The following CCDC33 variants were observed in gnomAD, a reference collection of about 807,000 sequenced individuals.
CCDC33 encodes the protein coiled-coil domain containing 33, also known as coiled-coil domain-containing protein 33.
A neutral mutation model predicts 91.9 loss-of-function variants in CCDC33; 94 were observed. The observed-to-expected ratio is 1.02, with a 90% CI of 0.87 to 1.21. The LOEUF (loss-of-function observed/expected upper bound fraction) is 1.21, where lower values mean the gene tolerates loss of function less well. Among genes scored for constraint, CCDC33 ranks in the 50% most tolerant of loss-of-function variants. The pLI is 0.00. For synonymous variants in CCDC33, 396 were observed against 374.5 expected (o/e 1.06, Z -0.66); for missense variants, 940 against 935.5 (o/e 1.00, Z -0.06).
intron 3 of CCDC33, among the ~76,000 whole-genome samples, chr15:74,263,075 A>T (rs566153576): frequency 3.9e-5 from 6 of 152,336 alleles, no homozygotes; most frequent in Admixed American, 2.6e-4. Flanking sequence ...TTGATTTTTT[A>T]AAAAATATTT....
At chr15:74,206,654 G>C (rs969298682) in intron 1 of CCDC33, among the ~76,000 whole-genome samples, 1 of 152,216 alleles carries the variant, frequency 6.6e-6, no homozygotes, top group Non-Finnish European at 1.5e-5. Flanking sequence ...AGGGAAAGGA[G>C]GAGATGGCTT....
At chr15:74,267,462 C>T (rs1057129536) in intron 4 of CCDC33, among the ~76,000 whole-genome samples, 2 of 152,188 alleles carry the variant, frequency 1.3e-5, no homozygotes, top group Admixed American at 6.5e-5. Context: ...AAGGTTGGGC[C>T]TCCCAGGCCA....
rs2074512743 is a variant in CCDC33 at position 74,218,752 on chromosome 15, C to T, written c.566C>T (p.Ala189Val). 3.1e-6 allele frequency: 4 copies of T among 1,289,628 alleles called. No homozygotes were observed. The highest frequency in any genetic ancestry group is 4.0e-6 in the Non-Finnish European group (4 of 988,726). 79.9% of individuals were successfully genotyped at this position (1,289,628 alleles called of 1,614,324 possible). A position where few individuals can be genotyped will look rare whatever the true frequency, so the allele number is the denominator to read the frequency against. Residue 189 changes from alanine (A) to valine (V), a missense_variant, in exon 2 of 3, where the codon GCC (alanine) becomes GTC (valine). By Grantham distance (64) the Ala-to-Val change is moderately conservative (BLOSUM62 0). Transcript: ENST00000635913. This position sits in a 1 kb window ranked among gnomAD's most constrained non-coding sequence, Gnocchi z 4.8. ...TGTGGGAGCCTGGCCTACAGTGTGG[C>T]CTTCCACGTCCACCGGGGCCCTCAG... is the stretch of plus-strand genomic sequence containing the variant.
chr15:74,211,682 G>A (rs1391195768), intron 2 of CCDC33, among the ~76,000 whole-genome samples: 5 of 152,078 alleles, frequency 3.3e-5, no homozygotes, highest in Non-Finnish European at 4.4e-5. Context: ...GGGATTACAG[G>A]TATGAGTCAC....
intron 2 of CCDC33, among the ~76,000 whole-genome samples, chr15:74,228,842 G>T (rs2074881232): frequency 6.6e-6 from 1 of 152,212 alleles, no homozygotes; most frequent in South Asian, 2.1e-4. Flanking sequence ...CTGCAAATGC[G>T]ATTTCATGGC....
chr15:74,325,014 C>A, intron 11 of CCDC33, among the ~76,000 whole-genome samples: 1 of 147,818 alleles, frequency 6.8e-6, no homozygotes, highest in African/African-American at 2.5e-5. Context: ...CACCCAAAGA[C>A]CCTAGCCCCC....
At chr15:74,285,725 G>A (rs1198014688) in intron 10 of CCDC33, among the ~76,000 whole-genome samples, 3 of 152,060 alleles carry the variant, frequency 2.0e-5, no homozygotes, top group African/African-American at 4.8e-5. Flanking sequence ...GTTGGTTGGT[G>A]ATGGGTTCGT....
At chr15:74,240,192 C>T (rs1036168005) in intron 1 of CCDC33, among the ~76,000 whole-genome samples, 4 of 152,240 alleles carry the variant, frequency 2.6e-5, no homozygotes, top group Admixed American at 6.5e-5. Context: ...ATAGTTCTCG[C>T]CAAACTTCCT....
chr15:74,274,082 G>A (rs1304777516), intron 7 of CCDC33, among the ~76,000 whole-genome samples: 4 of 152,212 alleles, frequency 2.6e-5, no homozygotes, highest in South Asian at 4.1e-4. Flanking sequence ...TGTCCACCTC[G>A]GCCTCCCAAA....
chr15:74,257,302 C>T (rs970718422), intron 2 of CCDC33, among the ~76,000 whole-genome samples: 4 of 152,354 alleles, frequency 2.6e-5, no homozygotes, highest in African/African-American at 9.6e-5. Flanking sequence ...GCTGCCCTGC[C>T]GTCAGCATGG....
Position 74,290,971 on chromosome 15 carries a change from C to T in CCDC33, c.1096-4783C>T, listed in dbSNP as rs550850934. Among the ~76,000 whole-genome samples the T allele has an allele frequency of 2.7e-3, 418 of 152,344 alleles. 5 individuals carry two copies. Among genetic ancestry groups the T allele is most frequent in the Non-Finnish European group, 3.7e-3 (255 of 68,032 alleles). On this transcript the variant is annotated intron_variant, in intron 10 of 18. Transcript: ENST00000398814. ...ACCACTGAGCCACAGGCAGGACTTT[C>T]ATACTAAAATCCCCAACAGAATTTT...
At chr15:74,233,724 C>T (rs2075056867), upstream of CCDC33, among the ~76,000 whole-genome samples, 1 of 152,226 alleles carries the variant, frequency 6.6e-6, no homozygotes, top group Non-Finnish European at 1.5e-5. Flanking sequence ...GTGTTAAGAG[C>T]TTTACCTGCG....
chr15:74,331,556 A>G (rs2060439691), intron 15 of CCDC33, among the ~76,000 whole-genome samples: 1 of 152,182 alleles, frequency 6.6e-6, no homozygotes. Context: ...GGCTAGAAAG[A>G]GGGTGGACCT....
At chr15:74,323,111 GAC>G (rs1470153817) in intron 11 of CCDC33, among the ~76,000 whole-genome samples, 1 of 151,722 alleles carries the variant, frequency 6.6e-6, no homozygotes, top group Non-Finnish European at 1.5e-5. Context: ...GCCTCTCCTT[GAC>G]CCTGTTTTCC....
chr15:74,232,629 T>C (rs558892781), upstream of CCDC33, among the ~76,000 whole-genome samples: 9 of 152,310 alleles, frequency 5.9e-5, no homozygotes, highest in South Asian at 1.7e-3. Context: ...GTAGGCAGTG[T>C]GATTTTATAG....
chr15:74,260,946 C>T (rs763806304), intron 2 of CCDC33, among the ~76,000 whole-genome samples: 25 of 152,208 alleles, frequency 1.6e-4, no homozygotes, highest in Admixed American at 5.2e-4. Flanking sequence ...CATATTCATT[C>T]GTTTCCTTCC....
chr15:74,295,900 A>C lies in CCDC33; in HGVS notation c.1242A>C (p.Pro414=), dbSNP rs774401065. 2.1e-5 allele frequency: 34 copies of C among 1,614,050 alleles called. No individual in the cohort carries two copies. The highest frequency in any genetic ancestry group is 1.7e-4 in the Middle Eastern group (1 of 6,060). The change falls in exon 11 of 19, where the codon CCA becomes CCC. Residue 414 remains proline (P), a synonymous_variant. Coordinates refer to ENST00000398814, the MANE Select transcript of CCDC33 (RefSeq NM_025055.5). ...SSTMDLSTST[P]REAEEEPLVP... ...CAATGGACTTGAGCACGTCCACTCC[A>C]CGAGAAGCAGAGGAGGAACCTCTGG...
chr15:74,295,020 G>A (rs1387042237), intron 10 of CCDC33, among the ~76,000 whole-genome samples: 1 of 152,220 alleles, frequency 6.6e-6, no homozygotes, highest in Non-Finnish European at 1.5e-5. Context: ...AGAGAGGAGA[G>A]ACTGTCTGCT....
At chr15:74,302,792 A>G (rs2059820370) in intron 11 of CCDC33, 1 of 152,756 alleles carries the variant, frequency 6.5e-6, no homozygotes, top group African/African-American at 2.4e-5. Context: ...AGCCTCCCTC[A>G]TCCACAGGGC....
Sources: allele counts gnomAD v4.1 joint callset (sites outside exome capture counted in the v4.1 genomes callset), GRCh38; gene constraint gnomAD v4.1.1; non-coding constraint Gnocchi (gnomAD v3.1); transcripts MANE v1.5; gene names NCBI Gene and HGNC (gene_info 2026-07-23, HGNC 2026-07-21).